Variants in SPATA2 observed in about 807,000 individuals in gnomAD.
SPATA2 encodes spermatogenesis associated 2.
Under a neutral mutation model 35.4 loss-of-function variants are expected in SPATA2, and 8 were observed. The ratio of observed to expected loss-of-function variants is 0.23; its 90% CI spans 0.13 to 0.41. The LOEUF is 0.41. SPATA2 is among the 10% of genes least tolerant of loss of function. The pLI, the probability that SPATA2 is intolerant of heterozygous loss-of-function variation, is 1.00. For missense variants in SPATA2, 650 were observed against 698.7 expected (o/e 0.93, Z 0.79); for synonymous variants, 293 against 300.9 (o/e 0.97, Z 0.27).
Position 49,906,338 on chromosome 20 carries a change from C to T in SPATA2, c.844G>A (p.Asp282Asn). The change falls in exon 3 of 3, where the codon GAT becomes AAT. Residue 282 changes from aspartate to asparagine, a missense_variant. Transcript: ENST00000289431. This position sits in a 1 kb window ranked among gnomAD's most constrained non-coding sequence, Gnocchi z 8.2. ...LSLRKEPVAT[D>N]VGDDLKDEII... is the part of the protein sequence containing the mutation. ...TCATCCTTGAGGTCGTCCCCCACAT[C>T]CGTTGCCACAGGCTCCTTCCGAAGA... 1.9e-6 allele frequency: 3 copies of T among 1,610,750 alleles called. No homozygotes were observed. The highest frequency in any genetic ancestry group is 2.5e-6 in the Non-Finnish European group (3 of 1,177,892).
Position 49,905,937 on chromosome 20 carries a change from G to A in SPATA2, c.1245C>T (p.Ser415=). ...PPASKPSAFP[S]KASTHDSLAH... ...CCAGGCTGTCATGAGTCGAGGCCTTGCTGGGGAAGGCGCTGGGCTTGGAAG... is the reference window on the plus strand; with the variant it reads ...CCAGGCTGTCATGAGTCGAGGCCTTACTGGGGAAGGCGCTGGGCTTGGAAG... Residue 415 remains serine (S), a synonymous_variant, in exon 3 of 3, where the codon AGC becomes AGT. Coordinates refer to ENST00000289431, the MANE Select transcript of SPATA2 (RefSeq NM_006038.4). 6.2e-7 allele frequency: 1 copy of A among 1,610,842 alleles called. No homozygotes were observed. The highest frequency in any genetic ancestry group is 8.5e-7 in the Non-Finnish European group (1 of 1,179,938).
Position 49,905,602 on chromosome 20 carries a change from G to C in SPATA2, c.*17C>G, listed in dbSNP as rs1312857722. Reference sequence around the variant, plus strand: ...TCGGTTGATGTAGCCCTTGGAGCTGGAAGGGGCGAGGCCGGTCTATCTGTA... The same window carrying C: ...TCGGTTGATGTAGCCCTTGGAGCTGCAAGGGGCGAGGCCGGTCTATCTGTA... On this transcript the variant is annotated 3_prime_UTR_variant, in exon 3 of 3. Coordinates refer to ENST00000289431, the MANE Select transcript of SPATA2 (RefSeq NM_006038.4). The C allele has an allele frequency of 1.2e-6, 2 of 1,611,078 alleles. No homozygotes were observed. The highest frequency in any genetic ancestry group is 2.7e-5 in the African/African-American group (2 of 74,848).
chr20:49,914,743 G>C (rs1206425639), intron 1 of SPATA2, among the ~76,000 whole-genome samples: 1 of 152,240 alleles, frequency 6.6e-6, no homozygotes, highest in African/African-American at 2.4e-5. Context: ...GCAGGGGACA[G>C]AAGCTGGCGG....
intron 1 of SPATA2, among the ~76,000 whole-genome samples, chr20:49,914,794 G>A (rs1254272959): frequency 6.6e-6 from 1 of 152,186 alleles, no homozygotes; most frequent in Non-Finnish European, 1.5e-5. Flanking sequence ...GCCTCGGGGG[G>A]CCACGTCAGT....
rs1568904600 is a variant in SPATA2, at chr20:49,903,953, T to TATA, written c.*1665_*1666insTAT. The TATA allele has an allele frequency of 2.1e-4, 20 of 97,142 alleles. No individual in the cohort carries two copies. Among genetic ancestry groups the TATA allele is most frequent in the Non-Finnish European group, 3.3e-4 (15 of 45,672 alleles). The allele number at this position is 97,142 out of a possible 1,614,324, so 6.0% of individuals were successfully genotyped here. A position where few individuals can be genotyped will look rare whatever the true frequency, so the allele number is the denominator to read the frequency against. On this transcript the variant is annotated 3_prime_UTR_variant, in exon 3 of 3. Coordinates refer to ENST00000289431, the MANE Select transcript of SPATA2 (RefSeq NM_006038.4). ...TATATATATATATATATATATATAT[T>TATA]AAAAAGAGAGCCATAGAAGATTTGG...
chr20:49,905,388 T>C lies in SPATA2; in HGVS notation c.*231A>G. Reference sequence around the variant, plus strand: ...GGAGTGGAGAGATTAGCAAAATGAATCTGAACGGAAGTGCCACCTTCTCCC... The same window carrying C: ...GGAGTGGAGAGATTAGCAAAATGAACCTGAACGGAAGTGCCACCTTCTCCC... On this transcript the variant is annotated 3_prime_UTR_variant, in exon 3 of 3. Coordinates refer to ENST00000289431, the MANE Select transcript of SPATA2 (RefSeq NM_006038.4). 1 of 558,658 alleles carries C rather than the reference T, an allele frequency of 1.8e-6. No individual in the cohort carries two copies. The highest frequency in any genetic ancestry group is 3.2e-6 in the Non-Finnish European group (1 of 314,270). The allele number at this position is 558,658 out of a possible 1,614,324, so 34.6% of individuals were successfully genotyped here. A position where few individuals can be genotyped will look rare whatever the true frequency, so the allele number is the denominator to read the frequency against.
Position 49,905,763 on chromosome 20 carries a change from G to T in SPATA2, c.1419C>A (p.Thr473=), listed in dbSNP as rs765879340. 1.2e-6 allele frequency: 2 copies of T among 1,614,256 alleles called. No homozygotes were observed. The highest frequency in any genetic ancestry group is 3.3e-5 in the Admixed American group (2 of 60,030). ...CNRPGATNTC[T]QCSKVSCDAC... ...CGTCACATGAGACTTTTGAACACTG[G>T]GTGCAGGTGTTGGTGGCGCCTGGGC... is the stretch of plus-strand genomic sequence containing the variant. The change falls in exon 3 of 3, where the codon ACC becomes ACA. Residue 473 remains threonine (T), a synonymous_variant. Transcript: ENST00000289431.
intron 2 of SPATA2, among the ~76,000 whole-genome samples, chr20:49,907,800 C>T (rs1022163870): frequency 6.6e-6 from 1 of 151,138 alleles, no homozygotes; most frequent in Non-Finnish European, 1.5e-5. Flanking sequence ...CACCTCCCCC[C>T]ACCCCTCTAC....
At chr20:49,914,034 A>G (rs759058557) in intron 1 of SPATA2, among the ~76,000 whole-genome samples, 13,589 of 57,684 alleles carry the variant, frequency 0.24, 666 homozygotes, top group East Asian at 0.4. Context: ...CTGGTGGAAA[A>G]AAAAAAAAAA....
At chr20:49,910,506 C>T (rs2090176917) in intron 1 of SPATA2, among the ~76,000 whole-genome samples, 1 of 152,154 alleles carries the variant, frequency 6.6e-6, no homozygotes, top group South Asian at 2.1e-4. Context: ...GCTGCTCCTG[C>T]CCAGAAGCTC....
At chr20:49,912,111 G>A (rs2090185068) in intron 1 of SPATA2, among the ~76,000 whole-genome samples, 1 of 152,096 alleles carries the variant, frequency 6.6e-6, no homozygotes, top group Non-Finnish European at 1.5e-5. Context: ...ACTTCATACT[G>A]TTCTGTCCAT....
chr20:49,905,522 G>C lies in SPATA2; in HGVS notation c.*97C>G. ...CTGCCACCTACATGGTCAAGTGCAG[G>C]CCTCCGCCTCTGAGATCAATGCGTT... On this transcript the variant is annotated 3_prime_UTR_variant, in exon 3 of 3. Transcript: ENST00000289431. 1.4e-6 allele frequency: 2 copies of C among 1,397,316 alleles called. 1 individual carries two copies. The highest frequency in any genetic ancestry group is 2.7e-5 in the South Asian group (2 of 74,624). 86.6% of individuals were successfully genotyped at this position (1,397,316 alleles called of 1,614,324 possible). A position where few individuals can be genotyped will look rare whatever the true frequency, so the allele number is the denominator to read the frequency against.
At chr20:49,914,836 C>A (rs984758878) in intron 1 of SPATA2, among the ~76,000 whole-genome samples, 1 of 152,148 alleles carries the variant, frequency 6.6e-6, no homozygotes, top group Non-Finnish European at 1.5e-5. Context: ...AAATTCTGGC[C>A]CCCCCTACGG....
Position 49,903,902 on chromosome 20 carries a change from G to GAT in SPATA2, c.*1715_*1716dup, listed in dbSNP as rs374830291. The GAT allele has an allele frequency of 2.4e-3, 232 of 96,812 alleles. 2 individuals are homozygous for GAT. Among genetic ancestry groups the GAT allele is most frequent in the Non-Finnish European group, 3.1e-3 (154 of 49,614 alleles). The allele number at this position is 96,812 out of a possible 1,614,324, so 6.0% of individuals were successfully genotyped here. ...ACATCTACATGTGATCTACCAGATA[G>GAT]ATATATATATATATATATATATATA... is the stretch of plus-strand genomic sequence containing the variant. On this transcript the variant is annotated 3_prime_UTR_variant, in exon 3 of 3. Transcript: ENST00000289431.
chr20:49,910,529 C>A (rs909076697), intron 1 of SPATA2, among the ~76,000 whole-genome samples: 1 of 152,132 alleles, frequency 6.6e-6, no homozygotes, highest in Admixed American at 6.6e-5. Flanking sequence ...TGGGTGCAGG[C>A]CTGTGACCAT....
At chr20:49,914,081 T>C (rs2090196172) in intron 1 of SPATA2, among the ~76,000 whole-genome samples, 1 of 148,878 alleles carries the variant, frequency 6.7e-6, no homozygotes, top group Non-Finnish European at 1.5e-5. Flanking sequence ...ACTGTGAATA[T>C]CCTGAACACA....
rs1195892488 is a variant in SPATA2 at position 49,908,529 on chromosome 20, T to C, written c.-39A>G. The C allele has an allele frequency of 1.9e-5, 28 of 1,512,184 alleles. No individual in the cohort carries two copies. Among genetic ancestry groups the C allele is most frequent in the Non-Finnish European group, 2.4e-5 (27 of 1,110,522 alleles). 93.7% of individuals were successfully genotyped at this position (1,512,184 alleles called of 1,614,324 possible). A position where few individuals can be genotyped will look rare whatever the true frequency, so the allele number is the denominator to read the frequency against. ...GCTACCTTATCTCCTCCATGGCTTCTGGATTAGAGGCAGGGACATCACTAA... is the reference window on the plus strand; with the variant it reads ...GCTACCTTATCTCCTCCATGGCTTCCGGATTAGAGGCAGGGACATCACTAA... On this transcript the variant is annotated 5_prime_UTR_variant, in exon 2 of 3. Transcript: ENST00000289431.
rs72060824 is a variant in SPATA2 at position 49,905,314 on chromosome 20, C to CAACAA, written c.*300_*304dup. 4.5e-4 allele frequency: 178 copies of CAACAA among 393,984 alleles called. No homozygotes were observed. Among genetic ancestry groups the CAACAA allele is most frequent in the African/African-American group, 1.0e-3 (50 of 49,284 alleles). 24.4% of individuals were successfully genotyped at this position (393,984 alleles called of 1,614,324 possible). A position where few individuals can be genotyped will look rare whatever the true frequency, so the allele number is the denominator to read the frequency against. On this transcript the variant is annotated 3_prime_UTR_variant, in exon 3 of 3. Coordinates refer to ENST00000289431, the MANE Select transcript of SPATA2 (RefSeq NM_006038.4). ...ATCCTCTTTAAAGGAAAAAACAAAA[C>CAACAA]AACAAAACAAAACAAAACAAAACCC... is the stretch of plus-strand genomic sequence containing the variant.
Position 49,906,330 on chromosome 20 carries a change from C to T in SPATA2, c.852G>A (p.Gly284=). 1 of 1,608,068 alleles carries T rather than the reference C, an allele frequency of 6.2e-7. No individual in the cohort carries two copies. Among genetic ancestry groups the T allele is most frequent in the Non-Finnish European group, 8.5e-7 (1 of 1,176,354 alleles). The change falls in exon 3 of 3, where the codon GGG becomes GGA. Residue 284 remains glycine (G), a synonymous_variant. Transcript: ENST00000289431. The surrounding 1 kb of genome is among the most constrained non-coding windows in gnomAD (Gnocchi z 8.2). Reference sequence around the variant, plus strand: ...GGATGATCTCATCCTTGAGGTCGTCCCCCACATCCGTTGCCACAGGCTCCT... The same window carrying T: ...GGATGATCTCATCCTTGAGGTCGTCTCCCACATCCGTTGCCACAGGCTCCT... ...LRKEPVATDV[G]DDLKDEIIRP...
Sources: allele counts gnomAD v4.1 joint callset (sites outside exome capture counted in the v4.1 genomes callset), GRCh38; gene constraint gnomAD v4.1.1; non-coding constraint Gnocchi (gnomAD v3.1); transcripts MANE v1.5; gene names NCBI Gene and HGNC (gene_info 2026-07-23, HGNC 2026-07-21).